JAM3: variants seen among roughly 807,000 people sequenced by gnomAD.
JAM3 encodes junctional adhesion molecule C.
In JAM3, 31 loss-of-function variants were observed where a neutral mutation model predicts 39.4. That is an observed-to-expected ratio of 0.79 (90% CI 0.59 to 1.06). JAM3 has a LOEUF of 1.06. Among genes scored for constraint, JAM3 ranks in the 50% least tolerant of loss-of-function variants. JAM3 has a pLI of 0.00. For missense variants in JAM3, 455 were observed against 391.4 expected (o/e 1.16, Z -1.37); for synonymous variants, 182 against 148.7 (o/e 1.22, Z -1.63).
intron 1 of JAM3, among the ~76,000 whole-genome samples, chr11:134,115,594 C>T (rs929297905): frequency 6.6e-6 from 1 of 152,068 alleles, no homozygotes; most frequent in African/African-American, 2.4e-5. Context: ...CATGATTAGA[C>T]TTGGTTTATA....
chr11:134,131,251 GT>G (rs1942763957), intron 1 of JAM3, among the ~76,000 whole-genome samples: 1 of 148,796 alleles, frequency 6.7e-6, no homozygotes, highest in Non-Finnish European at 1.5e-5. Context: ...CGGGGGGGTG[GT>G]TGTTGTAGTG....
intron 1 of JAM3, among the ~76,000 whole-genome samples, chr11:134,085,389 G>C (rs868469355): frequency 6.6e-6 from 1 of 152,216 alleles, no homozygotes; most frequent in Non-Finnish European, 1.5e-5. Flanking sequence ...ATGGGCATAT[G>C]ATGAGGTGAT....
At chr11:134,131,620 T>C (rs1488366804) in intron 1 of JAM3, among the ~76,000 whole-genome samples, 1 of 152,168 alleles carries the variant, frequency 6.6e-6, no homozygotes, top group Non-Finnish European at 1.5e-5. Flanking sequence ...AGCACAGATA[T>C]TGGACTTATT....
In JAM3 at chr11:134,139,836, T is replaced by G. The variant is rs554413263; in HGVS notation, c.77-15T>G. The G allele has an allele frequency of 4.6e-5, 74 of 1,609,944 alleles. No homozygotes were observed. In the South Asian group the frequency reaches 8.1e-4, roughly 18 times the overall value. On this transcript the variant is annotated splice_polypyrimidine_tract_variant and intron_variant, in intron 1 of 8. Coordinates refer to ENST00000299106, the MANE Select transcript of JAM3 (RefSeq NM_032801.5). ...AGATACATTGTCTCTGATTTTACTT[T>G]TCTTTCTCCTTCAGGCTGCCTGATA...
At chr11:134,077,486 C>G (rs980587471) in intron 1 of JAM3, among the ~76,000 whole-genome samples, 6 of 151,376 alleles carry the variant, frequency 4.0e-5, no homozygotes, top group Admixed American at 4.0e-4. Flanking sequence ...GCTTCAGCCT[C>G]CCGAGTAGCT....
intron 1 of JAM3, among the ~76,000 whole-genome samples, chr11:134,082,016 G>A (rs1247364732): frequency 1.3e-5 from 2 of 152,230 alleles, no homozygotes; most frequent in African/African-American, 4.8e-5. Flanking sequence ...CTGCCTTGTT[G>A]GATTTCAGAC....
At chr11:134,127,969 A>G (rs191355855) in intron 1 of JAM3, among the ~76,000 whole-genome samples, 193 of 152,324 alleles carry the variant, frequency 1.3e-3, no homozygotes, top group Admixed American at 2.9e-3. Flanking sequence ...TTGGGAACCA[A>G]GTGCCTCTAA....
intron 1 of JAM3, among the ~76,000 whole-genome samples, chr11:134,102,368 C>T (rs1419974133): frequency 1.3e-5 from 2 of 152,132 alleles, no homozygotes; most frequent in African/African-American, 4.8e-5. Flanking sequence ...ATCTGTATGT[C>T]ACCATCATCG....
intron 6 of JAM3, chr11:134,148,223 C>T (rs1041465617): frequency 7.4e-5 from 28 of 380,828 alleles, no homozygotes; most frequent in African/African-American, 5.3e-4. Context: ...TCCTCATAAC[C>T]ATTTCCTCCA....
intron 1 of JAM3, among the ~76,000 whole-genome samples, chr11:134,112,589 C>T (rs1472107671): frequency 1.3e-5 from 2 of 152,140 alleles, no homozygotes; most frequent in South Asian, 4.1e-4. Context: ...ATGTGTCCAC[C>T]ACCAAGTTCC....
intron 1 of JAM3, among the ~76,000 whole-genome samples, chr11:134,123,217 ATTTG>A (rs145255469): frequency 0.15 from 23,146 of 151,996 alleles, 1,899 homozygotes; most frequent in African/African-American, 0.22. Context: ...TTATTTAGTT[ATTTG>A]TTTGTTTATT....
chr11:134,151,866 G>A lies in JAM3; in HGVS notation c.*2685G>A, dbSNP rs984464169. The A allele has an allele frequency of 7.9e-5, 12 of 152,254 alleles. No homozygotes were observed. The highest frequency in any genetic ancestry group is 2.1e-4 in the South Asian group (1 of 4,816). The allele number at this position is 152,254 out of a possible 1,614,324, so 9.4% of individuals were successfully genotyped here. On this transcript the variant is annotated 3_prime_UTR_variant, in exon 9 of 9. Transcript: ENST00000299106. The stretch of plus-strand genomic sequence containing the variant: ...TGCTATCAATCACCCATCCACCAGG[G>A]AAGTCAGTGCTGGGCAGGAGGTCAG...
At chr11:134,105,022 G>C (rs371668126) in intron 1 of JAM3, among the ~76,000 whole-genome samples, 3 of 152,180 alleles carry the variant, frequency 2.0e-5, no homozygotes, top group African/African-American at 4.8e-5. Context: ...CAGGATCATC[G>C]TGATACCAAA....
chr11:134,100,398 G>A (rs774443678), intron 1 of JAM3, among the ~76,000 whole-genome samples: 6 of 152,156 alleles, frequency 3.9e-5, no homozygotes, highest in Non-Finnish European at 7.3e-5. Flanking sequence ...TTTCAAACTC[G>A]CTTGCATTGA....
chr11:134,116,837 ATTAGT>A (rs928042616), intron 1 of JAM3, among the ~76,000 whole-genome samples: 1 of 151,994 alleles, frequency 6.6e-6, no homozygotes, highest in South Asian at 2.1e-4. Context: ...TAAAATAAAC[ATTAGT>A]TTATAGTGGT....
intron 1 of JAM3, among the ~76,000 whole-genome samples, chr11:134,121,953 G>C (rs747142631): frequency 6.6e-6 from 1 of 152,194 alleles, no homozygotes; most frequent in Non-Finnish European, 1.5e-5. Flanking sequence ...AGCTTAGCAC[G>C]TGTGCTGTTT....
intron 3 of JAM3, among the ~76,000 whole-genome samples, chr11:134,143,653 C>T (rs1211701763): frequency 2.0e-5 from 3 of 152,234 alleles, no homozygotes; most frequent in Non-Finnish European, 4.4e-5. Context: ...ATTGTTTTCA[C>T]CTGCCTTTGT....
At chr11:134,128,751 G>C (rs1393071334) in intron 1 of JAM3, among the ~76,000 whole-genome samples, 1 of 152,130 alleles carries the variant, frequency 6.6e-6, no homozygotes, top group East Asian at 1.9e-4. Context: ...ATGTGGAACT[G>C]TGAGTCAATT....
intron 1 of JAM3, among the ~76,000 whole-genome samples, chr11:134,089,618 T>G (rs1362188917): frequency 6.6e-6 from 1 of 152,180 alleles, no homozygotes; most frequent in African/African-American, 2.4e-5. Flanking sequence ...TTCATCCATG[T>G]CCCCACAAAG....
Sources: allele counts gnomAD v4.1 joint callset (sites outside exome capture counted in the v4.1 genomes callset), GRCh38; gene constraint gnomAD v4.1.1; transcripts MANE v1.5; gene names NCBI Gene and HGNC (gene_info 2026-07-23, HGNC 2026-07-21).